The following RBFOX1 variants were observed in gnomAD, a reference collection of about 807,000 sequenced individuals.
RBFOX1 encodes RNA binding fox-1 homolog 1.
RBFOX1 carries 8 observed loss-of-function variants against 57.7 expected under a neutral mutation model. The observed-to-expected ratio is 0.14, with a 90% CI of 0.08 to 0.25. The LOEUF (loss-of-function observed/expected upper bound fraction) is 0.25. Among genes scored for constraint, RBFOX1 ranks in the 10% least tolerant of loss-of-function variants. The probability of loss-of-function intolerance (pLI) is 1.00; values close to 1 mark genes in which losing one functional copy is unlikely to be tolerated. For missense variants in RBFOX1, 611 were observed against 548.5 expected, an observed-to-expected ratio of 1.11 and a Z score of -1.14; for synonymous variants, 326 against 222.4, an observed-to-expected ratio of 1.47 and a Z score of -4.15.
intron 4 of RBFOX1, among the ~76,000 whole-genome samples, chr16:7,363,569 G>T (rs1050176873): frequency 3.3e-5 from 5 of 152,036 alleles, no homozygotes; most frequent in African/African-American, 1.2e-4. Flanking sequence ...AAAATGGGTC[G>T]CCTGGCTTTT....
intron 1 of RBFOX1, among the ~76,000 whole-genome samples, chr16:6,020,587 C>A (rs1484873311): frequency 6.6e-6 from 1 of 152,146 alleles, no homozygotes; most frequent in African/African-American, 2.4e-5. Flanking sequence ...GGGAAACCTG[C>A]GAATGGGAAA....
At chr16:7,084,293 A>G (rs1381475903) in intron 4 of RBFOX1, among the ~76,000 whole-genome samples, 3 of 152,022 alleles carry the variant, frequency 2.0e-5, no homozygotes, top group African/African-American at 7.3e-5. Flanking sequence ...TATGTATGAA[A>G]TACATATATA....
intron 3 of RBFOX1, among the ~76,000 whole-genome samples, chr16:5,677,144 T>G (rs1248527031): frequency 1.3e-5 from 2 of 152,344 alleles, no homozygotes; most frequent in East Asian, 3.9e-4. Context: ...ACCCAGAAGT[T>G]GAACCCAGGC....
At chr16:5,349,407 C>T (rs889897661) in intron 1 of RBFOX1, among the ~76,000 whole-genome samples, 2 of 152,156 alleles carry the variant, frequency 1.3e-5, no homozygotes, top group East Asian at 3.9e-4. Flanking sequence ...GGTACGGTGG[C>T]TCAAGCCTGT....
chr16:6,717,365 G>A (rs186204083), intron 3 of RBFOX1, among the ~76,000 whole-genome samples: 2 of 152,250 alleles, frequency 1.3e-5, no homozygotes, highest in South Asian at 4.2e-4. Flanking sequence ...AGTTCAAGAT[G>A]TATTACTCAA....
At chr16:6,723,100 A>G (rs1447735354) in intron 3 of RBFOX1, among the ~76,000 whole-genome samples, 2 of 152,198 alleles carry the variant, frequency 1.3e-5, no homozygotes, top group Non-Finnish European at 1.5e-5. Flanking sequence ...TGTGGACACC[A>G]GAGTTTTCAC....
At chr16:7,418,744 C>G (rs1368200383) in intron 4 of RBFOX1, among the ~76,000 whole-genome samples, 1 of 152,054 alleles carries the variant, frequency 6.6e-6, no homozygotes, top group Non-Finnish European at 1.5e-5. Flanking sequence ...TGGTCTTATC[C>G]TCTTTTCTCC....
chr16:6,692,057 C>T (rs1421650388), intron 3 of RBFOX1, among the ~76,000 whole-genome samples: 1 of 152,128 alleles, frequency 6.6e-6, no homozygotes, highest in African/African-American at 2.4e-5. Flanking sequence ...CAGTAAAAGA[C>T]AAGTCAGACT....
intron 3 of RBFOX1, among the ~76,000 whole-genome samples, chr16:6,984,414 G>T (rs976020336): frequency 6.6e-6 from 1 of 152,068 alleles, no homozygotes; most frequent in East Asian, 1.9e-4. Context: ...CAGCCTAGGG[G>T]TATCTCCAGT....
chr16:6,364,138 G>C (rs900805780), intron 2 of RBFOX1, among the ~76,000 whole-genome samples: 4 of 152,186 alleles, frequency 2.6e-5, no homozygotes, highest in African/African-American at 9.7e-5. Flanking sequence ...GTTCCCTGCT[G>C]TACTGAGAAG....
At chr16:6,272,328 C>G (rs553319020) in intron 1 of RBFOX1, among the ~76,000 whole-genome samples, 1 of 152,280 alleles carries the variant, frequency 6.6e-6, no homozygotes, top group African/African-American at 2.4e-5. Context: ...ACACCTACAG[C>G]TGACATGCTG....
chr16:5,665,287 C>G (rs956241030), intron 3 of RBFOX1, among the ~76,000 whole-genome samples: 2 of 152,138 alleles, frequency 1.3e-5, no homozygotes, highest in African/African-American at 4.8e-5. Context: ...GCATCCATGT[C>G]CCCTCTGCCC....
intron 4 of RBFOX1, among the ~76,000 whole-genome samples, chr16:7,148,913 T>C (rs1303000472): frequency 6.6e-6 from 1 of 152,230 alleles, no homozygotes; most frequent in African/African-American, 2.4e-5. Flanking sequence ...ACTTTGCATG[T>C]GCCTAAAATC....
In RBFOX1 at chr16:6,339,261, G is replaced by A. The variant is rs147743516; in HGVS notation, c.-64+22204G>A. Reference sequence around the variant, plus strand: ...GGTGGGACTTTCATACTAAAGCCAGGGAAATGCCAAGCAACCCAACCTGAG... The same window carrying A: ...GGTGGGACTTTCATACTAAAGCCAGAGAAATGCCAAGCAACCCAACCTGAG... On this transcript the variant is annotated intron_variant, in intron 2 of 15. Coordinates refer to ENST00000550418, the MANE Select transcript of RBFOX1 (RefSeq NM_018723.4). Among the ~76,000 whole-genome samples, 499 of 152,258 alleles carry A rather than the reference G, an allele frequency of 3.3e-3. 7 individuals carry two copies. The highest frequency in any genetic ancestry group is 0.024 in the Admixed American group (371 of 15,290).
chr16:7,114,470 C>G (rs143204895), intron 4 of RBFOX1, among the ~76,000 whole-genome samples: 89 of 152,224 alleles, frequency 5.8e-4, no homozygotes, highest in African/African-American at 2.1e-3. Context: ...TGAGTGAGTG[C>G]TATTCATTTT....
At chr16:7,153,114 C>G (rs1227366906) in intron 4 of RBFOX1, among the ~76,000 whole-genome samples, 1 of 152,080 alleles carries the variant, frequency 6.6e-6, no homozygotes, top group Non-Finnish European at 1.5e-5. Context: ...TATAATCTGG[C>G]TGGAGAGAAA....
intron 2 of RBFOX1, among the ~76,000 whole-genome samples, chr16:5,528,599 T>G (rs1473543031): frequency 1.4e-5 from 2 of 144,202 alleles, no homozygotes; most frequent in Non-Finnish European, 3.0e-5. Context: ...CAATTCATTC[T>G]CTCTCTCTCT....
intron 3 of RBFOX1, among the ~76,000 whole-genome samples, chr16:5,864,409 C>G (rs9302812): frequency 2.5e-3 from 385 of 152,302 alleles, no homozygotes; most frequent in African/African-American, 9.0e-3. Flanking sequence ...TTTCTTCACC[C>G]TTTGGGTCCC....
intron 1 of RBFOX1, among the ~76,000 whole-genome samples, chr16:6,279,516 A>T (rs142125409): frequency 3.3e-5 from 5 of 152,300 alleles, no homozygotes; most frequent in Middle Eastern, 6.8e-3. Context: ...GAAACTTTAA[A>T]CAATTGGGAC....
Sources: gnomAD v4.1 joint callset for allele counts (sites outside exome capture counted in the v4.1 genomes callset) on GRCh38, gnomAD v4.1.1 for gene constraint, MANE v1.5 for transcripts, NCBI Gene and HGNC (gene_info 2026-07-23, HGNC 2026-07-21) for gene names.